AMZ1: variants seen among roughly 807,000 people sequenced by gnomAD.
AMZ1 encodes the protein archaelysin family metallopeptidase 1.
AMZ1 carries 39 observed loss-of-function variants against 29.9 expected under a neutral mutation model. The ratio of observed to expected loss-of-function variants is 1.30; its 90% confidence interval spans 1.01 to 1.70. The LOEUF (loss-of-function observed/expected upper bound fraction) is 1.70. AMZ1 is among the 40% of genes most tolerant of loss of function. AMZ1 has a pLI of 0.00. For synonymous variants in AMZ1, 458 were observed against 304.0 expected, an observed-to-expected ratio of 1.51 and a Z score of -5.27; for missense variants, 1,041 against 680.6, an observed-to-expected ratio of 1.53 and a Z score of -5.89.
rs566210604 is a variant in AMZ1, at chr7:2,708,391, C to T, written c.473-197C>T. The stretch of plus-strand genomic sequence containing the variant: ...CTTTGACTTACCATGTCCTGATCTC[C>T]AAATGGCCCTGGCTGTCACTCCACA... On this transcript the variant is annotated intron_variant, in intron 3 of 6. Transcript: ENST00000683327. Among the ~76,000 whole-genome samples, 35 of 152,276 alleles carry T rather than the reference C, an allele frequency of 2.3e-4. No homozygotes were observed. In the South Asian group the frequency reaches 6.2e-3, roughly 27 times the overall value.
chr7:2,741,092 T>C (rs1345542859), intron 4 of AMZ1, among the ~76,000 whole-genome samples: 1 of 151,626 alleles, frequency 6.6e-6, no homozygotes, highest in East Asian at 1.9e-4. Flanking sequence ...AAAAAACCAC[T>C]ATAGATTTAG....
At chr7:2,762,378 G>A, upstream of AMZ1, 1 of 442,808 alleles carries the variant, frequency 2.3e-6, no homozygotes, top group Non-Finnish European at 4.0e-6. Context: ...CGGTATGGCG[G>A]TTCCCACTTT....
In AMZ1 at chr7:2,700,442, C is replaced by G; in HGVS notation, c.-10C>G. 1 of 1,593,374 alleles carries G rather than the reference C, an allele frequency of 6.3e-7. No individual in the cohort carries two copies. The highest frequency in any genetic ancestry group is 8.5e-7 in the Non-Finnish European group (1 of 1,175,666). ...GGCTCCCAGGAGTGGCCAGGCCCTG[C>G]CCGCCCACCATGCTGCAGTGTAGAC... On this transcript the variant is annotated 5_prime_UTR_variant, in exon 2 of 7. Coordinates refer to ENST00000683327, the MANE Select transcript of AMZ1 (RefSeq NM_001384743.1).
chr7:2,709,138 CT>C lies in AMZ1; in HGVS notation c.666del (p.Asp223IlefsTer5). On this transcript the variant is annotated frameshift_variant, in exon 5 of 7. Transcript: ENST00000683327. LOFTEE classifies it high-confidence loss of function. ...GEFPKSGPSAPDLALVEAAAD... is the reference protein window; with the variant it reads ...GEFPKSGPSAXDLALVEAAAD... ...TTCCCGAAGTCGGGGCCCAGCGCCC[CT>C]GATCTGGCCCTGGTAGAGGCAGCAG... 3.8e-6 allele frequency: 6 copies of C among 1,596,186 alleles called. No individual in the cohort carries two copies. The highest frequency in any genetic ancestry group is 3.4e-6 in the Non-Finnish European group (4 of 1,172,074).
intron 4 of AMZ1, among the ~76,000 whole-genome samples, chr7:2,752,042 C>T (rs934373885): frequency 9.9e-5 from 15 of 151,874 alleles, no homozygotes; most frequent in Admixed American, 9.2e-4. Flanking sequence ...ACAAGATTAT[C>T]AAAAAAGAAA....
chr7:2,760,855 C>T (rs931285957), upstream of AMZ1, among the ~76,000 whole-genome samples: 3 of 152,186 alleles, frequency 2.0e-5, no homozygotes, highest in Non-Finnish European at 2.9e-5. Context: ...GCTGGTGACA[C>T]GAGGAACAGA....
rs150799683 is a variant in AMZ1 at position 2,709,153 on chromosome 7, T to C, written c.680T>C (p.Val227Ala). ...CCCAGCGCCCCTGATCTGGCCCTGG[T>C]AGAGGCAGCAGCAGACGGCCCCGAG... is the stretch of plus-strand genomic sequence containing the variant. ...SGPSAPDLAL[V>A]EAAADGPEAP... Residue 227 changes from valine to alanine, a missense_variant, in exon 5 of 7, where the codon GTA becomes GCA. Val to Ala is a moderately conservative substitution (Grantham distance 64, BLOSUM62 0). Transcript: ENST00000683327. 3.2e-3 allele frequency: 5,008 copies of C among 1,583,036 alleles called. 15 individuals carry two copies. Among genetic ancestry groups the C allele is most frequent in the Non-Finnish European group, 4.1e-3 (4,772 of 1,166,092 alleles).
chr7:2,717,709 G>A lies in AMZ1; in HGVS notation c.*4831G>A, dbSNP rs1436431943. ...GCTGTTAAAAACAGATGCAGATCGC[G>A]GGTGGAGACGGCCGGCCGAGCCTTC... is the stretch of plus-strand genomic sequence containing the variant. On this transcript the variant is annotated 3_prime_UTR_variant, in exon 7 of 7. Coordinates refer to ENST00000683327, the MANE Select transcript of AMZ1 (RefSeq NM_001384743.1). 1.3e-5 allele frequency among the ~76,000 whole-genome samples: 2 copies of A among 152,186 alleles called. No homozygotes were observed. The highest frequency in any genetic ancestry group is 2.9e-5 in the Non-Finnish European group (2 of 68,034).
chr7:2,758,917 G>C (rs1791426214), intron 4 of AMZ1, among the ~76,000 whole-genome samples: 1 of 152,112 alleles, frequency 6.6e-6, no homozygotes, highest in Non-Finnish European at 1.5e-5. Context: ...GGCCGAGGTG[G>C]ATCACCTGAG....
At chr7:2,734,896 G>A (rs1790084058) in intron 4 of AMZ1, among the ~76,000 whole-genome samples, 1 of 152,186 alleles carries the variant, frequency 6.6e-6, no homozygotes, top group Non-Finnish European at 1.5e-5. Context: ...GGCATCGGGA[G>A]TGCCAGGGTG....
At chr7:2,694,225 C>A (rs114196906) in intron 1 of AMZ1, among the ~76,000 whole-genome samples, 2 of 152,178 alleles carry the variant, frequency 1.3e-5, no homozygotes, top group East Asian at 3.9e-4. Context: ...ATAGAACAGA[C>A]GGCAGAGGGA....
rs1179103961 is a variant in AMZ1 at position 2,742,441 on chromosome 7, C to G, written n.551-22271C>G. Among the ~76,000 whole-genome samples the G allele has an allele frequency of 2.6e-5, 4 of 152,172 alleles. No individual in the cohort carries two copies. The South Asian group carries it at 8.3e-4, about 32-fold the overall frequency. On this transcript the variant is annotated intron_variant and non_coding_transcript_variant, in intron 4 of 4. Transcript: ENST00000489665. Reference sequence around the variant, plus strand: ...TCAGTGCCACTCCATGCTTGCTGGTCTGTGAGTGACATTCCACTGTCAACA... The same window carrying G: ...TCAGTGCCACTCCATGCTTGCTGGTGTGTGAGTGACATTCCACTGTCAACA...
chr7:2,703,182 T>C (rs776202364), intron 3 of AMZ1, among the ~76,000 whole-genome samples: 4 of 152,164 alleles, frequency 2.6e-5, no homozygotes, highest in Non-Finnish European at 5.9e-5. Context: ...AGTCTTGCTC[T>C]GTCACCCAGG....
chr7:2,742,354 G>C (rs950773427), intron 4 of AMZ1, among the ~76,000 whole-genome samples: 1 of 152,120 alleles, frequency 6.6e-6, no homozygotes, highest in South Asian at 2.1e-4. Context: ...GCCTCCCACG[G>C]CCCTTGGGGT....
At chr7:2,762,719 C>A (rs1791621657), upstream of AMZ1, 1 of 1,561,938 alleles carries the variant, frequency 6.4e-7, no homozygotes, top group Admixed American at 1.9e-5. Context: ...CAGAGGGAAG[C>A]AGGCCCCATG....
chr7:2,706,828 A>G lies in AMZ1; in HGVS notation c.473-1760A>G, dbSNP rs541094027. Among the ~76,000 whole-genome samples, 19 of 152,332 alleles carry G rather than the reference A, an allele frequency of 1.2e-4. 1 individual carries two copies. The South Asian group carries it at 3.9e-3, about 32-fold the overall frequency. ...CTGATCCACAACAATCATCACTGTC[A>G]ATCATCATCACCTCATTAGCATCAT... On this transcript the variant is annotated intron_variant, in intron 3 of 6. Coordinates refer to ENST00000683327, the MANE Select transcript of AMZ1 (RefSeq NM_001384743.1).
At chr7:2,758,327 G>A (rs1380953945) in intron 4 of AMZ1, among the ~76,000 whole-genome samples, 1 of 152,150 alleles carries the variant, frequency 6.6e-6, no homozygotes, top group East Asian at 1.9e-4. Flanking sequence ...CGCCATCCAA[G>A]TGATGACATC....
chr7:2,722,521 T>C (rs1157917857), downstream of AMZ1, among the ~76,000 whole-genome samples: 1 of 151,970 alleles, frequency 6.6e-6, no homozygotes, highest in East Asian at 1.9e-4. Context: ...TCCATCCGCC[T>C]CAGCCTCCCC....
At chr7:2,720,203 G>T (rs1040940013), downstream of AMZ1, among the ~76,000 whole-genome samples, 1 of 151,952 alleles carries the variant, frequency 6.6e-6, no homozygotes, top group African/African-American at 2.4e-5. Context: ...ACATGGACCG[G>T]TTCATCTACC....
Sources: gnomAD v4.1 joint callset for allele counts (sites outside exome capture counted in the v4.1 genomes callset) on GRCh38, gnomAD v4.1.1 for gene constraint, MANE v1.5 for transcripts, NCBI Gene and HGNC (gene_info 2026-07-23, HGNC 2026-07-21) for gene names.